CPQ: variants seen among roughly 807,000 people sequenced by gnomAD.
The protein encoded by CPQ is Ser-Met dipeptidase.
In CPQ, 37 loss-of-function variants were observed where a neutral mutation model predicts 45.7. That is an observed-to-expected ratio of 0.81 (90% CI 0.62 to 1.07). The LOEUF is 1.07. CPQ is among the 50% of genes least tolerant of loss of function. CPQ has a pLI of 0.00. For synonymous variants in CPQ, 186 were observed against 205.8 expected (o/e 0.90, Z 0.82); for missense variants, 537 against 572.9 (o/e 0.94, Z 0.64).
chr8:97,099,115 CT>C (rs34830752), intron 7 of CPQ, among the ~76,000 whole-genome samples: 2,547 of 65,682 alleles, frequency 0.039, 3 homozygotes, highest in Admixed American at 0.061. Flanking sequence ...CCTTCTCTCT[CT>C]TTTTTTTTTT....
Position 96,958,198 on chromosome 8 carries a change from A to G in CPQ, c.850-7737A>G, listed in dbSNP as rs116892422. ...TGACAAAGGCCTGGGACATAATGGTAAGTGAATAGTTGTAAGGAATGAGAA... is the reference window on the plus strand; with the variant it reads ...TGACAAAGGCCTGGGACATAATGGTGAGTGAATAGTTGTAAGGAATGAGAA... On this transcript the variant is annotated intron_variant, in intron 4 of 7. Transcript: ENST00000220763. Among the ~76,000 whole-genome samples, 1,184 of 152,230 alleles carry G rather than the reference A, an allele frequency of 7.8e-3. 9 individuals are homozygous for G. The highest frequency in any genetic ancestry group is 0.013 in the Non-Finnish European group (905 of 68,004).
At chr8:96,768,284 A>C (rs1810494778) in intron 1 of CPQ, among the ~76,000 whole-genome samples, 2 of 147,254 alleles carry the variant, frequency 1.4e-5, no homozygotes, top group South Asian at 4.2e-4. Flanking sequence ...TATTTGGCTT[A>C]ACACTTTTTT....
chr8:96,878,753 A>G (rs1456466688), intron 3 of CPQ, among the ~76,000 whole-genome samples: 1 of 152,244 alleles, frequency 6.6e-6, no homozygotes, highest in Non-Finnish European at 1.5e-5. Context: ...CCAAGCTATC[A>G]TCTGTTGGAG....
chr8:97,070,978 C>T (rs908531083), intron 7 of CPQ, among the ~76,000 whole-genome samples: 4 of 152,154 alleles, frequency 2.6e-5, no homozygotes, highest in Non-Finnish European at 5.9e-5. Flanking sequence ...AACTCTTTCA[C>T]AAAATATACA....
chr8:97,106,398 T>G (rs1217155556), intron 7 of CPQ, among the ~76,000 whole-genome samples: 1 of 152,232 alleles, frequency 6.6e-6, no homozygotes, highest in Non-Finnish European at 1.5e-5. Flanking sequence ...ATCACACATC[T>G]GTTAACACAT....
chr8:96,826,119 T>G (rs908678937), intron 2 of CPQ, among the ~76,000 whole-genome samples: 2 of 152,088 alleles, frequency 1.3e-5, no homozygotes. Context: ...TTAATGATCT[T>G]GAGTTTATCT....
chr8:96,911,846 G>C (rs1185466607), intron 4 of CPQ, among the ~76,000 whole-genome samples: 1 of 152,180 alleles, frequency 6.6e-6, no homozygotes, highest in Non-Finnish European at 1.5e-5. Context: ...ACTGAAGCCA[G>C]GTTTTATAAA....
intron 1 of CPQ, among the ~76,000 whole-genome samples, chr8:96,767,019 C>G (rs188984676): frequency 6.6e-6 from 1 of 152,280 alleles, no homozygotes; most frequent in Non-Finnish European, 1.5e-5. Context: ...GCACAGCTGT[C>G]ACAACAAACT....
intron 5 of CPQ, among the ~76,000 whole-genome samples, chr8:96,970,638 A>G (rs1813651785): frequency 6.7e-6 from 1 of 148,242 alleles, no homozygotes; most frequent in Non-Finnish European, 1.5e-5. Flanking sequence ...ATCTCGGCTC[A>G]CTGCAAGCTC....
At chr8:96,763,460 C>CTCTA (rs546533643) in intron 1 of CPQ, among the ~76,000 whole-genome samples, 52 of 152,222 alleles carry the variant, frequency 3.4e-4, no homozygotes, top group African/African-American at 1.2e-3. Context: ...TCTATCTTTG[C>CTCTA]TCTAATATCA....
intron 4 of CPQ, among the ~76,000 whole-genome samples, chr8:96,899,028 T>G (rs986304594): frequency 2.0e-5 from 3 of 152,060 alleles, no homozygotes; most frequent in Admixed American, 6.6e-5. Flanking sequence ...GTAATAAAAA[T>G]ACAGAGAATT....
At chr8:96,658,489 TCCCTACCACC>T (rs141624351) in intron 1 of CPQ, among the ~76,000 whole-genome samples, 2,399 of 152,344 alleles carry the variant, frequency 0.016, 39 homozygotes, top group Middle Eastern at 0.034. Flanking sequence ...AATACTGTCT[TCCCTACCACC>T]CCCTACGGTG....
At chr8:96,811,146 A>G (rs559773794) in intron 2 of CPQ, among the ~76,000 whole-genome samples, 27 of 152,306 alleles carry the variant, frequency 1.8e-4, no homozygotes, top group Non-Finnish European at 3.2e-4. Context: ...CTTCATAAGA[A>G]TCAAGAATTT....
chr8:97,118,861 A>G (rs989252725), intron 7 of CPQ, among the ~76,000 whole-genome samples: 2 of 152,232 alleles, frequency 1.3e-5, no homozygotes, highest in African/African-American at 4.8e-5. Flanking sequence ...AGCATTATAT[A>G]TATACGTGTA....
At chr8:97,039,919 T>C (rs572697335) in intron 6 of CPQ, among the ~76,000 whole-genome samples, 4 of 152,114 alleles carry the variant, frequency 2.6e-5, no homozygotes, top group East Asian at 3.9e-4. Context: ...TCTTTGCTAT[T>C]GTGAATAGTG....
chr8:96,757,391 A>C (rs1810341841), intron 1 of CPQ, among the ~76,000 whole-genome samples: 1 of 141,562 alleles, frequency 7.1e-6, no homozygotes, highest in Non-Finnish European at 1.5e-5. Context: ...AATAATAATA[A>C]TAATAATAAT....
chr8:96,890,258 C>T (rs1812355675), intron 4 of CPQ, among the ~76,000 whole-genome samples: 1 of 152,244 alleles, frequency 6.6e-6, no homozygotes, highest in Non-Finnish European at 1.5e-5. Context: ...TATACATCTA[C>T]ATATTCTTAA....
At position 96,918,355 on chromosome 8, in the gene CPQ, A is replaced by G. The variant is rs113610800; in HGVS notation, c.849+38350A>G. Among the ~76,000 whole-genome samples the G allele has an allele frequency of 2.6e-3, 392 of 152,222 alleles. 2 individuals are homozygous for G. The highest frequency in any genetic ancestry group is 8.9e-3 in the African/African-American group (370 of 41,536). On this transcript the variant is annotated intron_variant, in intron 4 of 7. Transcript: ENST00000220763. ...TTTCCCTGACCTATTTCTTTACAAC[A>G]TAGTTATTTCACATTTTTTATTAAA...
intron 5 of CPQ, among the ~76,000 whole-genome samples, chr8:97,000,530 G>A (rs190693278): frequency 2.4e-4 from 37 of 152,118 alleles, no homozygotes; most frequent in Non-Finnish European, 4.6e-4. Flanking sequence ...TGTCAGCTTC[G>A]TTGAAGATCA....
Sources: gnomAD v4.1 joint callset for allele counts (sites outside exome capture counted in the v4.1 genomes callset) on GRCh38, gnomAD v4.1.1 for gene constraint, MANE v1.5 for transcripts, NCBI Gene and HGNC (gene_info 2026-07-23, HGNC 2026-07-21) for gene names.